TMEM132C: variants seen among roughly 807,000 people sequenced by gnomAD.
TMEM132C encodes the protein transmembrane protein 132C.
TMEM132C carries 29 observed loss-of-function variants against 61.4 expected under a neutral mutation model. The ratio of observed to expected loss-of-function variants is 0.47; its 90% CI spans 0.35 to 0.64. The LOEUF is 0.64. TMEM132C is among the 30% of genes least tolerant of loss of function. The pLI, the probability that TMEM132C is intolerant of heterozygous loss-of-function variation, is 0.00. For synonymous variants in TMEM132C, 656 were observed against 633.1 expected (o/e 1.04, Z -0.54); for missense variants, 1,408 against 1,476.9 (o/e 0.95, Z 0.76).
chr12:128,680,476 C>G (rs112530047), intron 5 of TMEM132C, among the ~76,000 whole-genome samples: 3 of 152,210 alleles, frequency 2.0e-5, no homozygotes, highest in Non-Finnish European at 4.4e-5. Flanking sequence ...CAGCTGCTAA[C>G]CATGTGTGAC....
intron 1 of TMEM132C, among the ~76,000 whole-genome samples, chr12:128,308,151 C>T (rs1024393041): frequency 1.3e-5 from 2 of 152,204 alleles, no homozygotes; most frequent in Non-Finnish European, 2.9e-5. Flanking sequence ...AGCATAAAGC[C>T]CATGCTGATG....
chr12:128,641,272 A>C (rs1954156009), intron 4 of TMEM132C, among the ~76,000 whole-genome samples: 1 of 152,114 alleles, frequency 6.6e-6, no homozygotes, highest in South Asian at 2.1e-4. Context: ...ACACTAAGAC[A>C]ACAACTGCAG....
chr12:128,494,021 C>T (rs536624396), intron 2 of TMEM132C, among the ~76,000 whole-genome samples: 10 of 152,096 alleles, frequency 6.6e-5, no homozygotes, highest in South Asian at 2.1e-4. Context: ...TGAGATACGT[C>T]GCATCAATAC....
Position 128,705,351 on chromosome 12 carries a change from G to A in TMEM132C, c.2383G>A (p.Val795Ile), listed in dbSNP as rs1052584163. The change falls in exon 9 of 9, where the codon GTC becomes ATC. Residue 795 changes from valine (V) to isoleucine (I), a missense_variant. Physicochemically the swap from Val to Ile is conservative, Grantham distance 29 (BLOSUM62 3). Coordinates refer to ENST00000435159, the MANE Select transcript of TMEM132C (RefSeq NM_001136103.3). ...CATCCTGGCTGTGGGCGTCGGCAAC[G>A]TCAGGGTCAAGTTCGGACAGAACGA... is the stretch of plus-strand genomic sequence containing the variant. ...KSILAVGVGN[V>I]RVKFGQNDAD... The A allele has an allele frequency of 1.7e-5, 26 of 1,551,384 alleles. No homozygotes were observed. Among genetic ancestry groups the A allele is most frequent in the African/African-American group, 8.2e-5 (6 of 73,064 alleles).
chr12:128,306,872 G>A lies in TMEM132C; in HGVS notation c.85+39385G>A, dbSNP rs115205226. Among the ~76,000 whole-genome samples the A allele has an allele frequency of 8.9e-3, 1,350 of 152,210 alleles. 19 individuals carry two copies. The highest frequency in any genetic ancestry group is 0.03 in the African/African-American group (1,265 of 41,542). Reference sequence around the variant, plus strand: ...TCGTTGGCATGTTGGGAAAAGCCTGGGCATATGTTAGCATGGTTAGCCACT... The same window carrying A: ...TCGTTGGCATGTTGGGAAAAGCCTGAGCATATGTTAGCATGGTTAGCCACT... On this transcript the variant is annotated intron_variant, in intron 1 of 8. Transcript: ENST00000435159.
At chr12:128,462,097 G>GTTTGT (rs1198323555) in intron 2 of TMEM132C, among the ~76,000 whole-genome samples, 6 of 151,896 alleles carry the variant, frequency 4.0e-5, no homozygotes, top group Admixed American at 6.6e-5. Flanking sequence ...TATTTTATTT[G>GTTTGT]TTTGTTTTGT....
intron 2 of TMEM132C, among the ~76,000 whole-genome samples, chr12:128,507,038 G>GA (rs1253251401): frequency 6.6e-6 from 1 of 151,998 alleles, no homozygotes; most frequent in Non-Finnish European, 1.5e-5. Flanking sequence ...AGATCCCAGG[G>GA]AAAAAGAAGT....
chr12:128,273,293 T>C (rs2135891256), intron 1 of TMEM132C, among the ~76,000 whole-genome samples: 1 of 152,320 alleles, frequency 6.6e-6, no homozygotes, highest in East Asian at 1.9e-4. Flanking sequence ...CTTTATGTAA[T>C]GCCTTTCTTT....
Position 128,333,050 on chromosome 12 carries a change from T to A in TMEM132C, c.85+65563T>A, listed in dbSNP as rs1305940807. Among the ~76,000 whole-genome samples the A allele has an allele frequency of 2.6e-5, 4 of 152,138 alleles. No individual in the cohort carries two copies. In the East Asian group the frequency reaches 7.7e-4, roughly 29 times the overall value. ...TATTTGTGTGTATGTGTTGTGTGTG[T>A]GAGTATTGTGTGTATATGTATGGGT... On this transcript the variant is annotated intron_variant, in intron 1 of 8. Transcript: ENST00000435159.
intron 1 of TMEM132C, among the ~76,000 whole-genome samples, chr12:128,323,605 C>T (rs1398870384): frequency 6.6e-6 from 1 of 152,220 alleles, no homozygotes; most frequent in Admixed American, 6.5e-5. Context: ...GATAGATGCA[C>T]CTCTGTCGCC....
At position 128,382,939 on chromosome 12, in the gene TMEM132C, T is replaced by C. The variant is rs570821546; in HGVS notation, c.86-31793T>C. Reference sequence around the variant, plus strand: ...ATATTTGTGTGTGTGAATCTGTGTATGTGGGTGTGTGTGTATGTATGTGTG... The same window carrying C: ...ATATTTGTGTGTGTGAATCTGTGTACGTGGGTGTGTGTGTATGTATGTGTG... On this transcript the variant is annotated intron_variant, in intron 1 of 8. Transcript: ENST00000435159. 2.6e-5 allele frequency among the ~76,000 whole-genome samples: 4 copies of C among 152,118 alleles called. No individual in the cohort carries two copies. In the South Asian group the frequency reaches 8.3e-4, roughly 32 times the overall value.
Position 128,706,066 on chromosome 12 carries a change from G to T in TMEM132C, c.3098G>T (p.Gly1033Val). 3 of 1,551,696 alleles carry T rather than the reference G, an allele frequency of 1.9e-6. No individual in the cohort carries two copies. Among genetic ancestry groups the T allele is most frequent in the Non-Finnish European group, 2.6e-6 (3 of 1,146,986 alleles). ...ATTCACAGGTCAGCCGACTCCGGGG[G>T]GCGGCAGGGCAGAGAACAGAAGCAG... ...SQIHRSADSG[G>V]RQGREQKQDP... Residue 1033 changes from glycine to valine, a missense_variant, in exon 9 of 9, where the codon GGG becomes GTG. Coordinates refer to ENST00000435159, the MANE Select transcript of TMEM132C (RefSeq NM_001136103.3).
chr12:128,590,207 A>C (rs1265459450), intron 3 of TMEM132C, among the ~76,000 whole-genome samples: 1 of 152,186 alleles, frequency 6.6e-6, no homozygotes, highest in Non-Finnish European at 1.5e-5. Flanking sequence ...TAGTGCATTC[A>C]CAAGGGATCT....
At chr12:128,647,106 G>C (rs1200988757) in intron 4 of TMEM132C, among the ~76,000 whole-genome samples, 6 of 151,504 alleles carry the variant, frequency 4.0e-5, no homozygotes, top group Non-Finnish European at 7.4e-5. Flanking sequence ...CGTTGGATGT[G>C]AGTGTGTTTA....
At chr12:128,274,085 A>G (rs1344912271) in intron 1 of TMEM132C, among the ~76,000 whole-genome samples, 1 of 152,202 alleles carries the variant, frequency 6.6e-6, no homozygotes, top group Admixed American at 6.5e-5. Flanking sequence ...TCAAGGAGAA[A>G]GCAAATGTGA....
At chr12:128,652,998 G>A (rs7138259) in intron 4 of TMEM132C, among the ~76,000 whole-genome samples, 22,111 of 152,118 alleles carry the variant, frequency 0.15, 2,160 homozygotes, top group African/African-American at 0.28. Flanking sequence ...AGCATTACTC[G>A]TAATAGCCAA....
At chr12:128,277,047 G>A (rs946684560) in intron 1 of TMEM132C, among the ~76,000 whole-genome samples, 1 of 152,098 alleles carries the variant, frequency 6.6e-6, no homozygotes, top group Admixed American at 6.6e-5. Context: ...TGTGATTTTT[G>A]TCTCCACTGG....
At chr12:128,633,538 G>T (rs1014701863) in intron 4 of TMEM132C, among the ~76,000 whole-genome samples, 1 of 152,166 alleles carries the variant, frequency 6.6e-6, no homozygotes, top group African/African-American at 2.4e-5. Context: ...CTAATGCAAT[G>T]AGTATCAATA....
intron 4 of TMEM132C, among the ~76,000 whole-genome samples, chr12:128,657,935 C>T (rs1374058314): frequency 6.6e-6 from 1 of 152,246 alleles, no homozygotes; most frequent in Non-Finnish European, 1.5e-5. Context: ...CTCTTGCCTA[C>T]AACCCTAGAG....
Sources: allele counts gnomAD v4.1 joint callset (sites outside exome capture counted in the v4.1 genomes callset), GRCh38; gene constraint gnomAD v4.1.1; transcripts MANE v1.5; gene names NCBI Gene and HGNC (gene_info 2026-07-23, HGNC 2026-07-21).